The following UNC45B variants were observed in gnomAD, a reference collection of about 807,000 sequenced individuals.
The protein encoded by UNC45B is protein unc-45 homolog B.
Under a neutral mutation model 98.7 loss-of-function variants are expected in UNC45B, and 78 were observed. The ratio of observed to expected loss-of-function variants is 0.79; its 90% CI spans 0.66 to 0.95. The LOEUF is 0.95. Among genes scored for constraint, UNC45B ranks in the 40% least tolerant of loss-of-function variants. UNC45B has a pLI of 0.00. For synonymous variants in UNC45B, 462 were observed against 480.4 expected, an observed-to-expected ratio of 0.96 and a Z score of 0.50; for missense variants, 1,225 against 1,184.9, an observed-to-expected ratio of 1.03 and a Z score of -0.50.
intron 14 of UNC45B, 112 bp from the exon 15 acceptor site, chr17:35,175,856 C>T: frequency 2.1e-6 from 2 of 962,500 alleles, no homozygotes; most frequent in Middle Eastern, 3.0e-4. Context: ...TTTCCATAGT[C>T]TCCCTTTTCA....
In UNC45B at chr17:35,186,749, A is replaced by C; in HGVS notation, c.*190A>C. ...TGTCCTGACAGAGTTTGGATGTTTC[A>C]CTCTCTCTCTTGCTTCCTGTCTCCT... On this transcript the variant is annotated 3_prime_UTR_variant, in exon 20 of 20. Coordinates refer to ENST00000394570, the MANE Select transcript of UNC45B (RefSeq NM_001267052.2). The C allele has an allele frequency of 3.5e-6, 2 of 563,602 alleles. No individual in the cohort carries two copies. Among genetic ancestry groups the C allele is most frequent in the Non-Finnish European group, 5.9e-6 (2 of 340,584 alleles). The allele number at this position is 563,602 out of a possible 1,614,324, so 34.9% of individuals were successfully genotyped here.
At chr17:35,174,200 C>T in intron 13 of UNC45B, 42 bp from the exon 14 acceptor site, 3 of 1,613,134 alleles carry the variant, frequency 1.9e-6, no homozygotes, top group South Asian at 1.1e-5. Flanking sequence ...ATTGGCCTGG[C>T]ACCCAGGACC....
At chr17:35,168,478 A>G (rs1017947481) in intron 10 of UNC45B, 117 bp downstream of exon 10, 2 of 878,590 alleles carry the variant, frequency 2.3e-6, no homozygotes, top group Non-Finnish European at 1.5e-6. Flanking sequence ...TCAAGGGGGC[A>G]CCAGACCCAG....
At chr17:35,158,923 G>A (rs982484809) in intron 7 of UNC45B, among the ~76,000 whole-genome samples, 4 of 152,216 alleles carry the variant, frequency 2.6e-5, no homozygotes, top group African/African-American at 9.6e-5. Flanking sequence ...CAGTGGGCAG[G>A]AAGTCCCGGC....
chr17:35,180,030 G>A (rs1453517837), intron 17 of UNC45B, among the ~76,000 whole-genome samples: 1 of 152,096 alleles, frequency 6.6e-6, no homozygotes, highest in East Asian at 1.9e-4. Flanking sequence ...ACTATAATAG[G>A]CCTAAGCATA....
chr17:35,184,971 T>TATCA (rs750541036), intron 19 of UNC45B, among the ~76,000 whole-genome samples: 7 of 152,210 alleles, frequency 4.6e-5, no homozygotes, highest in Non-Finnish European at 1.0e-4. Context: ...GTTGAGTTTC[T>TATCA]ATCACTGCTT....
At position 35,171,482 on chromosome 17, in the gene UNC45B, G is replaced by C; in HGVS notation, c.1830+20G>C. On this transcript the variant is annotated intron_variant, in intron 13 of 19. Transcript: ENST00000394570. ...CCCAAGGTAGGGTCAGGCGCGACCCGGGAGGGGTCTGGTCTGTGCCACTAG... is the reference window on the plus strand; with the variant it reads ...CCCAAGGTAGGGTCAGGCGCGACCCCGGAGGGGTCTGGTCTGTGCCACTAG... 6.2e-7 allele frequency: 1 copy of C among 1,612,568 alleles called. No homozygotes were observed. The highest frequency in any genetic ancestry group is 8.5e-7 in the Non-Finnish European group (1 of 1,179,220).
chr17:35,161,635 T>G (rs2092103171), intron 8 of UNC45B, among the ~76,000 whole-genome samples: 1 of 152,208 alleles, frequency 6.6e-6, no homozygotes, highest in Admixed American at 6.5e-5. Context: ...TACACATATT[T>G]GGTCTCTGCT....
At chr17:35,180,766 T>A (rs1310563561) in intron 18 of UNC45B, 90 bp downstream of exon 18, 7 of 914,338 alleles carry the variant, frequency 7.7e-6, no homozygotes, top group Admixed American at 2.2e-5. Context: ...TCGGGAGCTC[T>A]TATGATGGCA....
At position 35,169,708 on chromosome 17, in the gene UNC45B, A is replaced by C. The variant is rs2092168617; in HGVS notation, c.1453-129A>C. On this transcript the variant is annotated intron_variant, in intron 10 of 19. Coordinates refer to ENST00000394570, the MANE Select transcript of UNC45B (RefSeq NM_001267052.2). ...CTGAGCTGAGTTTTACAGTCTGCAC[A>C]GAGGTGGATCCAAGCAAAGAAAGAG... The C allele has an allele frequency of 5.4e-6, 4 of 742,418 alleles. No individual in the cohort carries two copies. In the Admixed American group the frequency reaches 6.5e-5, roughly 12 times the overall value. 46.0% of individuals were successfully genotyped at this position (742,418 alleles called of 1,614,324 possible). A position where few individuals can be genotyped will look rare whatever the true frequency, so the allele number is the denominator to read the frequency against.
At position 35,177,143 on chromosome 17, in the gene UNC45B, G is replaced by A. The variant is rs2092240152; in HGVS notation, c.2139+13G>A. The A allele has an allele frequency of 1.2e-6, 2 of 1,611,546 alleles. No homozygotes were observed. Among genetic ancestry groups the A allele is most frequent in the African/African-American group, 1.3e-5 (1 of 74,870 alleles). ...TCCTGGGGAGCGGGTAGGTGCTTGG[G>A]TAGATGGGATAGGGCAATGGGAGGG... On this transcript the variant is annotated intron_variant, in intron 16 of 19. Transcript: ENST00000394570.
At chr17:35,177,393 T>C (rs1363143684) in intron 16 of UNC45B, 102 bp from the exon 17 acceptor site, 1 of 815,104 alleles carries the variant, frequency 1.2e-6, no homozygotes, top group African/African-American at 1.7e-5. Flanking sequence ...AGACAATGTA[T>C]GAGAAAGTGC....
At position 35,154,588 on chromosome 17, in the gene UNC45B, C is replaced by T. The variant is rs1157283042; in HGVS notation, c.486C>T (p.Leu162=). ...ADKREKAANN[L]IVLGREEAGA... is the part of the protein sequence containing the mutation. ...TCCTCCTTCAGGCTGCCAACAATCT[C>T]ATTGTCCTAGGCCGTGAGGAAGCAG... is the stretch of plus-strand genomic sequence containing the variant. The change falls in exon 6 of 20, where the codon CTC becomes CTT. Residue 162 remains leucine, a synonymous_variant. Coordinates refer to ENST00000394570, the MANE Select transcript of UNC45B (RefSeq NM_001267052.2). 6.2e-7 allele frequency: 1 copy of T among 1,612,676 alleles called. No homozygotes were observed. Among genetic ancestry groups the T allele is most frequent in the East Asian group, 2.2e-5 (1 of 44,806 alleles).
chr17:35,153,890 T>C (rs921596600), intron 5 of UNC45B, among the ~76,000 whole-genome samples: 3 of 152,164 alleles, frequency 2.0e-5, no homozygotes, highest in African/African-American at 7.2e-5. Flanking sequence ...TCTCAGGTCC[T>C]GCTTGAGACC....
At chr17:35,159,597 AG>A in intron 8 of UNC45B, 52 bp downstream of exon 8, 1 of 1,580,222 alleles carries the variant, frequency 6.3e-7, no homozygotes. Flanking sequence ...AGTGGGCACC[AG>A]GGCACTGAAC....
chr17:35,149,267 G>A (rs1185332555), intron 3 of UNC45B, among the ~76,000 whole-genome samples: 2 of 152,214 alleles, frequency 1.3e-5, no homozygotes, highest in Non-Finnish European at 2.9e-5. Context: ...TCACAAGGAA[G>A]AAGGATTGGA....
intron 8 of UNC45B, among the ~76,000 whole-genome samples, chr17:35,160,566 A>G (rs1022555818): frequency 3.9e-5 from 6 of 152,160 alleles, no homozygotes; most frequent in Admixed American, 1.3e-4. Context: ...CAGCCTCCCG[A>G]GTAGCTGGGA....
intron 4 of UNC45B, among the ~76,000 whole-genome samples, chr17:35,150,537 T>A (rs1261411076): frequency 1.3e-5 from 2 of 151,992 alleles, no homozygotes; most frequent in Admixed American, 6.6e-5. Flanking sequence ...TCACTTGAGG[T>A]CAAGTAGTTT....
At chr17:35,175,147 G>A in intron 14 of UNC45B, among the ~76,000 whole-genome samples, 1 of 150,150 alleles carries the variant, frequency 6.7e-6, no homozygotes, top group East Asian at 2.0e-4. Flanking sequence ...GAAGGAGAAG[G>A]AAAGAAAGAG....
Sources: gnomAD v4.1 joint callset for allele counts (sites outside exome capture counted in the v4.1 genomes callset) on GRCh38, gnomAD v4.1.1 for gene constraint, MANE v1.5 for transcripts, NCBI Gene and HGNC (gene_info 2026-07-23, HGNC 2026-07-21) for gene names.